The following SATB2 variants were observed in gnomAD, a reference collection of about 807,000 sequenced individuals.
SATB2 encodes DNA-binding protein SATB2.
In SATB2, 1 loss-of-function variant was observed where a neutral mutation model predicts 73.4. The observed-to-expected ratio is 0.01, with a 90% CI of 0.00 to 0.06. The LOEUF is 0.06. Among genes scored for constraint, SATB2 ranks in the 10% least tolerant of loss-of-function variants. SATB2 has a pLI of 1.00. For synonymous variants in SATB2, 397 were observed against 367.0 expected (o/e 1.08, Z -0.93); for missense variants, 459 against 945.8 (o/e 0.49, Z 6.75).
rs1690508896 is a variant in SATB2 at position 199,402,369 on chromosome 2, A to T, written c.347-20549T>A. ...CACTGCACTCCAGCCTGGGTGACAG[A>T]GCGAGACTCCATCTCAAAAAAAAAG... On this transcript the variant is annotated intron_variant, in intron 3 of 10. Coordinates refer to ENST00000417098, the MANE Select transcript of SATB2 (RefSeq NM_001172509.2). 5.3e-5 allele frequency among the ~76,000 whole-genome samples: 8 copies of T among 151,930 alleles called. No individual in the cohort carries two copies. In the South Asian group the frequency reaches 1.7e-3, roughly 32 times the overall value.
intron 3 of SATB2, among the ~76,000 whole-genome samples, chr2:199,426,875 CTATT>C (rs1486269954): frequency 6.6e-6 from 1 of 151,862 alleles, no homozygotes; most frequent in Non-Finnish European, 1.5e-5. Context: ...AGACATCTAT[CTATT>C]TATTTAGAGA....
intron 7 of SATB2, chr2:199,329,428 CAA>C (rs5837677): frequency 0.02 from 2,577 of 126,106 alleles, 25 homozygotes; most frequent in African/African-American, 0.042. Context: ...ATTTCTTATG[CAA>C]AAAAAAAAAA....
chr2:199,361,368 C>A (rs1449141996), intron 6 of SATB2, among the ~76,000 whole-genome samples: 1 of 151,958 alleles, frequency 6.6e-6, no homozygotes, highest in African/African-American at 2.4e-5. Flanking sequence ...TCTGCTTGAA[C>A]CTCTTGCATT....
At chr2:199,422,186 C>T (rs769317716) in intron 3 of SATB2, among the ~76,000 whole-genome samples, 14 of 152,096 alleles carry the variant, frequency 9.2e-5, no homozygotes, top group Non-Finnish European at 1.9e-4. Context: ...ACCTCCACTA[C>T]GTAAAAGTAT....
chr2:199,430,755 A>G (rs1691478546), intron 3 of SATB2, among the ~76,000 whole-genome samples: 2 of 152,210 alleles, frequency 1.3e-5, no homozygotes, highest in Non-Finnish European at 2.9e-5. Flanking sequence ...CTATGTTCAC[A>G]AGATCATGGA....
chr2:199,394,128 C>A (rs1010481050), intron 3 of SATB2, among the ~76,000 whole-genome samples: 1 of 152,178 alleles, frequency 6.6e-6, no homozygotes, highest in African/African-American at 2.4e-5. Context: ...ACTCTCAGAT[C>A]AATTTTGCAT....
intron 3 of SATB2, among the ~76,000 whole-genome samples, chr2:199,419,201 G>T (rs966197747): frequency 6.6e-6 from 1 of 152,182 alleles, no homozygotes; most frequent in Non-Finnish European, 1.5e-5. Flanking sequence ...ACAACATCCA[G>T]ATTTTGAGTC....
At chr2:199,335,816 C>A (rs957077526) in intron 7 of SATB2, among the ~76,000 whole-genome samples, 1 of 152,174 alleles carries the variant, frequency 6.6e-6, no homozygotes, top group African/African-American at 2.4e-5. Context: ...ATATTTCAGG[C>A]ACCCTAAGTC....
At chr2:199,328,671 G>A in intron 8 of SATB2, 27 bp downstream of exon 8, 2 of 1,586,910 alleles carry the variant, frequency 1.3e-6, no homozygotes, top group South Asian at 2.2e-5. Context: ...GACAAAGAGT[G>A]AAAAATACGG....
Position 199,282,161 on chromosome 2 carries a change from G to GTTT in SATB2, c.1741-9490_1741-9489insAAA, listed in dbSNP as rs550936817. 6.6e-5 allele frequency among the ~76,000 whole-genome samples: 10 copies of GTTT among 152,242 alleles called. No homozygotes were observed. In the South Asian group the frequency reaches 2.1e-3, roughly 32 times the overall value. On this transcript the variant is annotated intron_variant, in intron 10 of 10. Coordinates refer to ENST00000417098, the MANE Select transcript of SATB2 (RefSeq NM_001172509.2). ...CTCCCAAAGTGCTGGGATTACAGGC[G>GTTT]TAAACCACTGCGCCCGGCCCATATT...
At chr2:199,419,831 T>A (rs1280392689) in intron 3 of SATB2, among the ~76,000 whole-genome samples, 1 of 152,206 alleles carries the variant, frequency 6.6e-6, no homozygotes, top group East Asian at 1.9e-4. Context: ...TATTTCAGAT[T>A]AAGTAGAATG....
intron 6 of SATB2, among the ~76,000 whole-genome samples, chr2:199,353,148 CTTTTTTT>C (rs11369554): frequency 1.1e-5 from 1 of 88,014 alleles, no homozygotes; most frequent in Non-Finnish European, 2.0e-5. Flanking sequence ...ACGTTTTTGT[CTTTTTTT>C]TTTTTTTTTT....
intron 8 of SATB2, among the ~76,000 whole-genome samples, 198 bp from the exon 9 acceptor site, chr2:199,324,156 C>T (rs1687969630): frequency 6.6e-6 from 1 of 152,092 alleles, no homozygotes; most frequent in Admixed American, 6.6e-5. Flanking sequence ...CATGCAGAAT[C>T]CTGTCAACCC....
At chr2:199,391,684 C>T (rs1475227915) in intron 3 of SATB2, among the ~76,000 whole-genome samples, 1 of 151,786 alleles carries the variant, frequency 6.6e-6, no homozygotes, top group Admixed American at 6.6e-5. Context: ...AAAAAGAAGC[C>T]AAGAGTCCAA....
rs199872739 is a variant in SATB2, at chr2:199,427,330, T to G, written c.346+6008A>C. Among the ~76,000 whole-genome samples the G allele has an allele frequency of 5.3e-5, 8 of 151,730 alleles. No homozygotes were observed. In the East Asian group the frequency reaches 1.5e-3, roughly 29 times the overall value. On this transcript the variant is annotated intron_variant, in intron 3 of 10. Transcript: ENST00000417098. The stretch of plus-strand genomic sequence containing the variant: ...TGTGAAAGAATAGATAACCCATAGA[T>G]TCAAAAAAAAAATTAAGGGACACAT...
chr2:199,464,631 G>T lies in SATB2; in HGVS notation c.-141+205C>A, dbSNP rs1192918339. Among the ~76,000 whole-genome samples, 1 of 152,172 alleles carries T rather than the reference G, an allele frequency of 6.6e-6. No individual in the cohort carries two copies. Among genetic ancestry groups the T allele is most frequent in the African/African-American group, 2.4e-5 (1 of 41,450 alleles). On this transcript the variant is annotated intron_variant, in intron 1 of 11. Transcript: ENST00000260926. This position sits in a 1 kb window ranked among gnomAD's most constrained non-coding sequence, Gnocchi z 6.6. ...GCGCTCCGGCCGGGTCGCAGGGGCC[G>T]GTGCCCAGCGGGCCGGGGTCTGGCG...
chr2:199,418,409 T>G (rs1449298957), intron 3 of SATB2, among the ~76,000 whole-genome samples: 1 of 152,184 alleles, frequency 6.6e-6, no homozygotes. Context: ...TATCCACTTC[T>G]TAGGGGAAAG....
chr2:199,448,144 A>C (rs1692018185), intron 2 of SATB2, among the ~76,000 whole-genome samples: 1 of 152,196 alleles, frequency 6.6e-6, no homozygotes, highest in Non-Finnish European at 1.5e-5. Flanking sequence ...TATTTCAAAA[A>C]TGCTATTGCT....
chr2:199,349,090 C>T lies in SATB2; in HGVS notation c.784G>A (p.Ala262Thr). ...TGTTCGTTGGTTTTCCCCAGGGATG[C>T]CAGCTGGTTCATATTTGGTAAATGC... ...PMHLPNMNQLASLGKTNEQSP... is the reference protein window; with the variant it reads ...PMHLPNMNQLTSLGKTNEQSP... The change falls in exon 7 of 11, where the codon GCA becomes ACA. Residue 262 changes from alanine to threonine, a missense_variant. Transcript: ENST00000417098. The T allele has an allele frequency of 6.2e-7, 1 of 1,614,030 alleles. No individual in the cohort carries two copies. The highest frequency in any genetic ancestry group is 8.5e-7 in the Non-Finnish European group (1 of 1,179,954).
Sources: gnomAD v4.1 joint callset for allele counts (sites outside exome capture counted in the v4.1 genomes callset) on GRCh38, gnomAD v4.1.1 for gene constraint, Gnocchi (gnomAD v3.1) non-coding constraint, MANE v1.5 for transcripts, NCBI Gene and HGNC (gene_info 2026-07-23, HGNC 2026-07-21) for gene names.